The following ATP8A2 variants were observed in gnomAD, a reference collection of about 807,000 sequenced individuals.
ATP8A2 encodes ATPase phospholipid transporting 8A2.
A neutral mutation model predicts 165.6 loss-of-function variants in ATP8A2; 100 were observed. The observed-to-expected ratio is 0.60, with a 90% CI of 0.51 to 0.71. ATP8A2 has a LOEUF of 0.71. Among genes scored for constraint, ATP8A2 ranks in the 30% least tolerant of loss-of-function variants. ATP8A2 has a pLI of 0.00. For missense variants in ATP8A2, 1,227 were observed against 1,479.5 expected (o/e 0.83, Z 2.80); for synonymous variants, 543 against 548.8 (o/e 0.99, Z 0.15).
At chr13:25,596,758 G>T (rs2040246368) in intron 24 of ATP8A2, among the ~76,000 whole-genome samples, 1 of 152,156 alleles carries the variant, frequency 6.6e-6, no homozygotes, top group Admixed American at 6.6e-5. Flanking sequence ...GTGAACATCT[G>T]TTTTTGTTTT....
intron 25 of ATP8A2, among the ~76,000 whole-genome samples, chr13:25,728,134 T>C (rs1384327813): frequency 1.3e-5 from 2 of 152,200 alleles, no homozygotes; most frequent in African/African-American, 2.4e-5. Context: ...AAAACCGGTT[T>C]TTATAGTCTT....
chr13:25,660,385 C>T (rs1056195117), intron 24 of ATP8A2, among the ~76,000 whole-genome samples: 2 of 152,136 alleles, frequency 1.3e-5, no homozygotes, highest in Admixed American at 1.3e-4. Flanking sequence ...AAACACCAGT[C>T]CTTAAGGCAG....
chr13:25,594,630 A>G (rs1293570614), intron 24 of ATP8A2, among the ~76,000 whole-genome samples: 1 of 151,996 alleles, frequency 6.6e-6, no homozygotes, highest in Admixed American at 6.6e-5. Flanking sequence ...TTGCATCCTC[A>G]TAGCTTAGCT....
intron 33 of ATP8A2, among the ~76,000 whole-genome samples, chr13:25,867,700 G>GAC (rs1283836049): frequency 6.6e-6 from 1 of 152,154 alleles, no homozygotes; most frequent in African/African-American, 2.4e-5. Flanking sequence ...GCCTGAAGGA[G>GAC]ACACAGGGAG....
intron 33 of ATP8A2, among the ~76,000 whole-genome samples, chr13:25,942,204 A>T (rs9511983): frequency 0.27 from 41,733 of 152,082 alleles, 5,898 homozygotes; most frequent in African/African-American, 0.34. Flanking sequence ...TCTCCCATTG[A>T]TAAACATTTG....
chr13:26,011,275 C>T (rs901475103), intron 35 of ATP8A2, among the ~76,000 whole-genome samples: 9 of 152,160 alleles, frequency 5.9e-5, no homozygotes, highest in African/African-American at 1.4e-4. Context: ...GTTTCTCATG[C>T]GAGCACTCTC....
intron 24 of ATP8A2, among the ~76,000 whole-genome samples, chr13:25,643,745 T>A (rs1404871544): frequency 6.6e-6 from 1 of 151,934 alleles, no homozygotes. Context: ...TTGTTTTGTT[T>A]TTTTTTTCAG....
chr13:25,641,972 A>G (rs1243357567), intron 24 of ATP8A2, among the ~76,000 whole-genome samples: 3 of 152,226 alleles, frequency 2.0e-5, no homozygotes, highest in Non-Finnish European at 2.9e-5. Flanking sequence ...CTGATCTTTG[A>G]CAAACCTGAC....
intron 24 of ATP8A2, among the ~76,000 whole-genome samples, chr13:25,651,682 C>T (rs556408286): frequency 6.6e-6 from 1 of 152,152 alleles, no homozygotes; most frequent in Non-Finnish European, 1.5e-5. Flanking sequence ...AAAGGACAAC[C>T]TTTTGGCTTT....
At chr13:25,799,786 T>C (rs916402126) in intron 27 of ATP8A2, among the ~76,000 whole-genome samples, 8 of 152,232 alleles carry the variant, frequency 5.3e-5, no homozygotes, top group Admixed American at 2.0e-4. Flanking sequence ...CAGATGAAGC[T>C]GCCGTAAAGC....
chr13:25,724,914 G>A (rs1291578275), intron 25 of ATP8A2, among the ~76,000 whole-genome samples: 1 of 152,084 alleles, frequency 6.6e-6, no homozygotes, highest in Non-Finnish European at 1.5e-5. Flanking sequence ...CGGTTCCTAG[G>A]TGTCTTCAAT....
intron 30 of ATP8A2, among the ~76,000 whole-genome samples, chr13:25,844,093 G>C (rs958178537): frequency 6.6e-6 from 1 of 152,120 alleles, no homozygotes; most frequent in African/African-American, 2.4e-5. Context: ...TGGGACTGGG[G>C]GTGGCAGGGA....
rs139898938 is a variant in ATP8A2 at position 25,842,157 on chromosome 13, A to G, written c.2956+2533A>G. On this transcript the variant is annotated intron_variant, in intron 30 of 36. Coordinates refer to ENST00000381655, the MANE Select transcript of ATP8A2 (RefSeq NM_016529.6). ...AGTAAACCATAGATAAAATGCTATT[A>G]GATATCAGAGGACTGAGAGATGCCT... is the stretch of plus-strand genomic sequence containing the variant. Among the ~76,000 whole-genome samples the G allele has an allele frequency of 2.3e-3, 348 of 152,368 alleles. 1 individual carries two copies. The highest frequency in any genetic ancestry group is 8.1e-3 in the African/African-American group (335 of 41,584).
At chr13:25,725,857 G>A (rs1593253648) in intron 25 of ATP8A2, among the ~76,000 whole-genome samples, 1 of 152,170 alleles carries the variant, frequency 6.6e-6, no homozygotes. Flanking sequence ...GTCACATGCT[G>A]TGGCAGAAAC....
At chr13:25,850,912 T>A (rs1951992125) in intron 30 of ATP8A2, among the ~76,000 whole-genome samples, 1 of 152,170 alleles carries the variant, frequency 6.6e-6, no homozygotes, top group African/African-American at 2.4e-5. Flanking sequence ...CCACAGGTGT[T>A]TGCCTCTAAA....
chr13:25,574,756 T>G, intron 18 of ATP8A2, 52 bp from the exon 19 acceptor site: 41 of 1,048,602 alleles, frequency 3.9e-5, no homozygotes, highest in Non-Finnish European at 6.0e-5. Flanking sequence ...ACAATTGCTT[T>G]GAGATTTTAA....
rs1347897783 is a variant in ATP8A2, at chr13:25,953,734, C to G, written c.3184-7841C>G. ...GAAGCAGGGTGGGGCGTTGCCTCAC[C>G]CGGGAAGCACAGGGGATTGAGGAAC... is the stretch of plus-strand genomic sequence containing the variant. On this transcript the variant is annotated intron_variant, in intron 33 of 36. Transcript: ENST00000381655. The surrounding 1 kb of genome is among the most constrained non-coding windows in gnomAD (Gnocchi z 6.7). Among the ~76,000 whole-genome samples the G allele has an allele frequency of 6.6e-6, 1 of 151,944 alleles. No homozygotes were observed. Among genetic ancestry groups the G allele is most frequent in the Non-Finnish European group, 1.5e-5 (1 of 68,006 alleles).
intron 35 of ATP8A2, among the ~76,000 whole-genome samples, chr13:25,970,008 A>T (rs569950989): frequency 6.6e-6 from 1 of 152,234 alleles, no homozygotes; most frequent in Non-Finnish European, 1.5e-5. Flanking sequence ...AAACATATTC[A>T]TAAGCTCCAA....
intron 5 of ATP8A2, among the ~76,000 whole-genome samples, chr13:25,533,005 T>C (rs530753771): frequency 1.0e-3 from 152 of 152,252 alleles, no homozygotes; most frequent in African/African-American, 3.5e-3. Context: ...AGGCTTTTTT[T>C]TTCTTCTGGG....
Sources: gnomAD v4.1 joint callset for allele counts (sites outside exome capture counted in the v4.1 genomes callset) on GRCh38, gnomAD v4.1.1 for gene constraint, Gnocchi (gnomAD v3.1) non-coding constraint, MANE v1.5 for transcripts, NCBI Gene and HGNC (gene_info 2026-07-23, HGNC 2026-07-21) for gene names.